The following WDR64 variants were observed in gnomAD, a reference collection of about 807,000 sequenced individuals.
WDR64 encodes WD repeat-containing protein 64.
Under a neutral mutation model 139.3 loss-of-function variants are expected in WDR64, and 112 were observed. The ratio of observed to expected loss-of-function variants is 0.80; its 90% CI spans 0.69 to 0.94. The LOEUF (loss-of-function observed/expected upper bound fraction) is 0.94. Ranked by LOEUF, WDR64 falls within the 40% of genes least tolerant of loss-of-function variation. WDR64 has a pLI of 0.00. For synonymous variants in WDR64, 444 were observed against 437.7 expected, an observed-to-expected ratio of 1.01 and a Z score of -0.18; for missense variants, 1,206 against 1,293.1, an observed-to-expected ratio of 0.93 and a Z score of 1.03.
chr1:241,681,972 A>T (rs1470204693), intron 6 of WDR64, among the ~76,000 whole-genome samples: 1 of 151,246 alleles, frequency 6.6e-6, no homozygotes, highest in South Asian at 2.1e-4. Flanking sequence ...TTTTGATGAG[A>T]TTGTTTGTTT....
intron 23 of WDR64, 100 bp from the exon 24 acceptor site, chr1:241,787,749 T>C: frequency 2.0e-6 from 2 of 1,025,172 alleles, no homozygotes. Context: ...AAAAAATCCT[T>C]GATGGACCAG....
chr1:241,653,827 G>T (rs1665467095), intron 1 of WDR64, among the ~76,000 whole-genome samples: 1 of 152,124 alleles, frequency 6.6e-6, no homozygotes, highest in African/African-American at 2.4e-5. Context: ...TTACAGGTGT[G>T]AGCCACCGTG....
rs1659327321 is a variant in WDR64 at position 241,795,169 on chromosome 1, T to C, written c.2998-38T>C. ...CAGGTATTTTACCAGTGATAGGATG[T>C]GCCCCTTTCATTAAACATTCATCCC... is the stretch of plus-strand genomic sequence containing the variant. On this transcript the variant is annotated intron_variant, in intron 25 of 27. Transcript: ENST00000437684. 13 of 1,577,998 alleles carry C rather than the reference T, an allele frequency of 8.2e-6. No individual in the cohort carries two copies. The East Asian group carries it at 2.9e-4, about 35-fold the overall frequency.
At chr1:241,721,004 T>C (rs756214725) in intron 9 of WDR64, among the ~76,000 whole-genome samples, 35 of 152,338 alleles carry the variant, frequency 2.3e-4, no homozygotes, top group Non-Finnish European at 4.3e-4. Flanking sequence ...ATTTCAGTTT[T>C]CTGCATGTGG....
At chr1:241,753,560 C>T (rs761164289) in intron 14 of WDR64, among the ~76,000 whole-genome samples, 2 of 151,992 alleles carry the variant, frequency 1.3e-5, no homozygotes, top group African/African-American at 4.8e-5. Flanking sequence ...AAAAATTAGC[C>T]GGGTGTAGTG....
At position 241,695,515 on chromosome 1, in the gene WDR64, G is replaced by A. The variant is rs938690679; in HGVS notation, c.974+7920G>A. Among the ~76,000 whole-genome samples the A allele has an allele frequency of 4.6e-5, 7 of 152,230 alleles. No homozygotes were observed. The East Asian group carries it at 1.2e-3, about 25-fold the overall frequency. On this transcript the variant is annotated intron_variant, in intron 8 of 27. Transcript: ENST00000437684. ...GATGATAATTATCAATGCAAAGCAC[G>A]ATATATCAAAGATCAGTTGAATGGT...
At chr1:241,709,504 C>T (rs1668081502) in intron 8 of WDR64, among the ~76,000 whole-genome samples, 1 of 152,056 alleles carries the variant, frequency 6.6e-6, no homozygotes, top group Admixed American at 6.6e-5. Context: ...GTTCCAGCTA[C>T]TTGGGAGGTT....
intron 24 of WDR64, among the ~76,000 whole-genome samples, chr1:241,790,342 C>A (rs1393361068): frequency 6.6e-6 from 1 of 152,012 alleles, no homozygotes; most frequent in Non-Finnish European, 1.5e-5. Context: ...CAGAGCGAGA[C>A]CCTGTCTCAA....
rs1020907014 is a variant in WDR64 at position 241,802,305 on chromosome 1, G to C, written c.*1090G>C. 6.6e-6 allele frequency among the ~76,000 whole-genome samples: 1 copy of C among 152,128 alleles called. No individual in the cohort carries two copies. Among genetic ancestry groups the C allele is most frequent in the Non-Finnish European group, 1.5e-5 (1 of 68,016 alleles). On this transcript the variant is annotated 3_prime_UTR_variant, in exon 28 of 28. Coordinates refer to ENST00000437684, the MANE Select transcript of WDR64 (RefSeq NM_001367482.1). ...AAACTTTACAGAAAGAATACATGTT[G>C]TATGATTCCACGTTTATAAAATTCT...
intron 8 of WDR64, among the ~76,000 whole-genome samples, chr1:241,708,356 C>T (rs1484623550): frequency 6.6e-6 from 1 of 152,156 alleles, no homozygotes; most frequent in Admixed American, 6.5e-5. Context: ...AGACAGACTT[C>T]CCCAGGCCAG....
chr1:241,800,310 T>C (rs1241632124), intron 27 of WDR64, among the ~76,000 whole-genome samples: 1 of 152,172 alleles, frequency 6.6e-6, no homozygotes, highest in Non-Finnish European at 1.5e-5. Flanking sequence ...TCCCTTTCCT[T>C]ATAACTCTCT....
intron 2 of WDR64, among the ~76,000 whole-genome samples, chr1:241,663,797 C>T (rs902789170): frequency 2.0e-5 from 3 of 152,240 alleles, no homozygotes; most frequent in Non-Finnish European, 4.4e-5. Context: ...TTGTATTATA[C>T]AGGACAGATT....
chr1:241,665,596 T>A lies in WDR64; in HGVS notation c.276+4936T>A, dbSNP rs868411791. On this transcript the variant is annotated intron_variant, in intron 2 of 27. Transcript: ENST00000437684. ...CTCGGAGAATTTGAAATTCATAGAA[T>A]AATGAAATCTTATAACTCACCTAAA... 2.6e-5 allele frequency among the ~76,000 whole-genome samples: 4 copies of A among 152,322 alleles called. No individual in the cohort carries two copies. The Middle Eastern group carries it at 0.01, about 389-fold the overall frequency.
intron 15 of WDR64, among the ~76,000 whole-genome samples, chr1:241,757,887 T>C (rs1199679985): frequency 6.6e-6 from 1 of 152,130 alleles, no homozygotes; most frequent in Non-Finnish European, 1.5e-5. Context: ...AATAATACCA[T>C]TATTTTCTAA....
At chr1:241,798,339 G>A (rs1253717402) in intron 27 of WDR64, among the ~76,000 whole-genome samples, 1 of 152,154 alleles carries the variant, frequency 6.6e-6, no homozygotes, top group African/African-American at 2.4e-5. Flanking sequence ...TTTACTAAAA[G>A]AAATAGTTAA....
chr1:241,793,478 A>G (rs1003429538), intron 25 of WDR64, among the ~76,000 whole-genome samples: 5 of 152,244 alleles, frequency 3.3e-5, no homozygotes, highest in Admixed American at 3.3e-4. Context: ...GAAGATCCAC[A>G]AATGTCCAGT....
chr1:241,660,227 G>A (rs897861255), intron 1 of WDR64, among the ~76,000 whole-genome samples: 19 of 152,108 alleles, frequency 1.2e-4, no homozygotes, highest in African/African-American at 4.1e-4. Context: ...CGTTGTAGGT[G>A]TGCAGTCTTA....
At chr1:241,717,746 A>T (rs550134238) in intron 9 of WDR64, among the ~76,000 whole-genome samples, 1 of 152,254 alleles carries the variant, frequency 6.6e-6, no homozygotes, top group African/African-American at 2.4e-5. Context: ...ATAGTTGTTT[A>T]CCCTCTATAT....
In WDR64 at chr1:241,703,203, C is replaced by T. The variant is rs1196201013; in HGVS notation, c.975-8599C>T. On this transcript the variant is annotated intron_variant, in intron 8 of 27. Transcript: ENST00000437684. This position sits in a 1 kb window ranked among gnomAD's most constrained non-coding sequence, Gnocchi z 5.9. The stretch of plus-strand genomic sequence containing the variant: ...AAAATATCGAGGGACTCTGCTGACT[C>T]AGTAGCCCTGCTTCTTTAGCAATCA... Among the ~76,000 whole-genome samples, 4 of 152,202 alleles carry T rather than the reference C, an allele frequency of 2.6e-5. No individual in the cohort carries two copies. Among genetic ancestry groups the T allele is most frequent in the South Asian group, 2.1e-4 (1 of 4,824 alleles).
Sources: allele counts gnomAD v4.1 joint callset (sites outside exome capture counted in the v4.1 genomes callset), GRCh38; gene constraint gnomAD v4.1.1; non-coding constraint Gnocchi (gnomAD v3.1); transcripts MANE v1.5; gene names NCBI Gene and HGNC (gene_info 2026-07-23, HGNC 2026-07-21).